The following BRCA1 variants were observed in gnomAD, a reference collection of about 807,000 sequenced individuals.
BRCA1 encodes BRCA1 DNA repair associated.
A neutral mutation model predicts 173.7 loss-of-function variants in BRCA1; 140 were observed. The ratio of observed to expected loss-of-function variants is 0.81; its 90% CI spans 0.70 to 0.93. The LOEUF (loss-of-function observed/expected upper bound fraction) is 0.93. Ranked by LOEUF, BRCA1 falls within the 40% of genes least tolerant of loss-of-function variation. The probability of loss-of-function intolerance (pLI) is 0.00; values close to 1 mark genes in which losing one functional copy is unlikely to be tolerated. For missense variants in BRCA1, 1,983 were observed against 2,172.5 expected (o/e 0.91, Z 1.73); for synonymous variants, 662 against 756.0 (o/e 0.88, Z 2.04).
intron 1 of BRCA1, among the ~76,000 whole-genome samples, chr17:43,141,484 G>A (rs1234291747): frequency 2.0e-5 from 3 of 151,086 alleles, no homozygotes; most frequent in African/African-American, 7.3e-5. Context: ...AGAAAAATGT[G>A]CACATTTGAG....
intron 3 of BRCA1, chr17:43,110,587 C>CAAAA: frequency 7.8e-5 from 21 of 270,862 alleles, no homozygotes; most frequent in East Asian, 1.0e-4. Flanking sequence ...GACCCTGTCT[C>CAAAA]AAAAAAAAAA....
At chr17:43,079,872 T>G (rs1047711914) in intron 12 of BRCA1, 2 of 661,534 alleles carry the variant, frequency 3.0e-6, no homozygotes, top group Admixed American at 5.4e-5. Flanking sequence ...TAAATTCCTC[T>G]TCTTACTACA....
intron 1 of BRCA1, among the ~76,000 whole-genome samples, chr17:43,155,097 C>T (rs2056188380): frequency 6.6e-6 from 1 of 151,944 alleles, no homozygotes; most frequent in Non-Finnish European, 1.5e-5. Context: ...AGGGAAAGAG[C>T]ATCAGAGAGG....
intron 18 of BRCA1, among the ~76,000 whole-genome samples, chr17:43,057,449 T>A: frequency 6.6e-6 from 1 of 151,248 alleles, no homozygotes; most frequent in East Asian, 1.9e-4. Context: ...AGGTGGAGGT[T>A]GCAGTGAGCT....
rs786202215 is a variant in BRCA1, at chr17:43,093,031, C to T, written c.2500G>A (p.Gly834Arg). 3 of 1,613,856 alleles carry T rather than the reference C, an allele frequency of 1.9e-6. No individual in the cohort carries two copies. Among genetic ancestry groups the T allele is most frequent in the Non-Finnish European group, 2.5e-6 (3 of 1,179,978 alleles). Residue 834 changes from glycine (G) to arginine (R), a missense_variant, in exon 10 of 23, where the codon GGA (glycine) becomes AGA (arginine). Transcript: ENST00000357654. Reference protein sequence around the residue: ...NDTEGFKYPLGHEVNHSRETS... With the variant: ...NDTEGFKYPLRHEVNHSRETS... Reference sequence around the variant, plus strand: ...TCCCGACTGTGGTTAACTTCATGTCCCAATGGATACTTAAAGCCTTCTGTG... The same window carrying T: ...TCCCGACTGTGGTTAACTTCATGTCTCAATGGATACTTAAAGCCTTCTGTG...
At position 43,092,091 on chromosome 17, in the gene BRCA1, G is replaced by A. The variant is rs876660757; in HGVS notation, c.3440C>T (p.Ser1147Phe). The A allele has an allele frequency of 6.2e-7, 1 of 1,613,866 alleles. No homozygotes were observed. The highest frequency in any genetic ancestry group is 8.5e-7 in the Non-Finnish European group (1 of 1,180,004). Residue 1147 changes from serine (S) to phenylalanine (F), a missense_variant, in exon 10 of 23, where the codon TCT becomes TTT. Coordinates refer to ENST00000357654, the MANE Select transcript of BRCA1 (RefSeq NM_007294.4). ...ATCTAACAGGTCATCAGGTGTCTCA[G>A]AACAAACCTGAGATGCATGACTACT... ...MGSSHASQVC[S>F]ETPDDLLDDG...
chr17:43,091,039 T>C lies in BRCA1; in HGVS notation c.4097-7A>G, dbSNP rs80358007. The C allele has an allele frequency of 1.2e-6, 2 of 1,610,082 alleles. No individual in the cohort carries two copies. Among genetic ancestry groups the C allele is most frequent in the Non-Finnish European group, 1.7e-6 (2 of 1,178,018 alleles). ...CACCCAGATGCTGCTTCACCTTAAA[T>C]AACAAAAACAGAGGTTCAGATGTAA... On this transcript the variant is annotated splice_region_variant and splice_polypyrimidine_tract_variant and intron_variant, in intron 10 of 22. Transcript: ENST00000357654.
At chr17:43,072,242 A>T (rs2052481850) in intron 14 of BRCA1, among the ~76,000 whole-genome samples, 1 of 151,502 alleles carries the variant, frequency 6.6e-6, no homozygotes, top group Non-Finnish European at 1.5e-5. Flanking sequence ...ACAAAAAATT[A>T]GCCGGGCGTG....
chr17:43,090,299 G>T (rs1004688477), intron 11 of BRCA1, among the ~76,000 whole-genome samples: 2 of 152,152 alleles, frequency 1.3e-5, no homozygotes, highest in Non-Finnish European at 2.9e-5. Context: ...GAATCATCCT[G>T]CTGTGGCTCC....
At chr17:43,115,086 C>A (rs1222470399) in intron 3 of BRCA1, among the ~76,000 whole-genome samples, 1 of 152,114 alleles carries the variant, frequency 6.6e-6, no homozygotes, top group African/African-American at 2.4e-5. Context: ...CAGAAATGAA[C>A]AGAAAGGAGA....
chr17:43,094,340 G>A lies in BRCA1; in HGVS notation c.1191C>T (p.Asp397=), dbSNP rs2154471430. 6.2e-7 allele frequency: 1 copy of A among 1,614,086 alleles called. No individual in the cohort carries two copies. Among genetic ancestry groups the A allele is most frequent in the Non-Finnish European group, 8.5e-7 (1 of 1,180,002 alleles). Residue 397 remains aspartate, a synonymous_variant, in exon 10 of 23, where the codon GAC becomes GAT. Coordinates refer to ENST00000357654, the MANE Select transcript of BRCA1 (RefSeq NM_007294.4). ...TTGATTCAGACTCCCCATCATGTGAGTCATCAGAACCTAACAGTTCATCAC... is the reference window on the plus strand; with the variant it reads ...TTGATTCAGACTCCCCATCATGTGAATCATCAGAACCTAACAGTTCATCAC... The part of the protein sequence containing the change: ...SRSDELLGSD[D]SHDGESESNA...
At chr17:43,095,344 G>A (rs1431049190) in intron 9 of BRCA1, among the ~76,000 whole-genome samples, 1 of 152,196 alleles carries the variant, frequency 6.6e-6, no homozygotes, top group African/African-American at 2.4e-5. Context: ...CACTTTGGGA[G>A]GCTGAAGTGG....
At chr17:43,051,242 G>T in intron 19 of BRCA1, 125 bp from the exon 20 acceptor site, 1 of 857,920 alleles carries the variant, frequency 1.2e-6, no homozygotes, top group East Asian at 2.6e-5. Context: ...TTTTTCTTCT[G>T]TTCACCACCT....
chr17:43,075,788 C>T (rs990144332), intron 13 of BRCA1, among the ~76,000 whole-genome samples: 1 of 151,924 alleles, frequency 6.6e-6, no homozygotes, highest in African/African-American at 2.4e-5. Flanking sequence ...GCTATACAGC[C>T]CTGTGTTAAT....
chr17:43,160,493 G>C (rs1229079769), intron 1 of BRCA1: 1 of 152,048 alleles, frequency 6.6e-6, no homozygotes, highest in East Asian at 1.9e-4. Flanking sequence ...TAATTAGATT[G>C]GAACAAAACA....
chr17:43,119,186 G>C (rs2055433551), intron 2 of BRCA1: 1 of 214,718 alleles, frequency 4.7e-6, no homozygotes, highest in Non-Finnish European at 9.4e-6. Flanking sequence ...GGATCACAAG[G>C]GCCAGGTGCG....
chr17:43,079,247 T>C, intron 12 of BRCA1: 1 of 1,015,498 alleles, frequency 9.8e-7, no homozygotes, highest in Non-Finnish European at 1.5e-6. Flanking sequence ...ACACAGCTAT[T>C]AAAAAGTCAT....
intron 2 of BRCA1, among the ~76,000 whole-genome samples, chr17:43,117,620 T>G (rs1039272485): frequency 6.6e-6 from 1 of 152,132 alleles, no homozygotes; most frequent in Non-Finnish European, 1.5e-5. Flanking sequence ...GCGCCTGTAA[T>G]CCCAGCTACT....
chr17:43,134,194 G>A (rs916860226), intron 1 of BRCA1, among the ~76,000 whole-genome samples: 67 of 152,262 alleles, frequency 4.4e-4, no homozygotes, highest in Middle Eastern at 6.8e-3. Context: ...CCCATCTAGA[G>A]CCTGCCTGGT....
Sources: gnomAD v4.1 joint callset for allele counts (sites outside exome capture counted in the v4.1 genomes callset) on GRCh38, gnomAD v4.1.1 for gene constraint, MANE v1.5 for transcripts, NCBI Gene and HGNC (gene_info 2026-07-23, HGNC 2026-07-21) for gene names.